The following HDAC5 variants were observed in gnomAD, a reference collection of about 807,000 sequenced individuals.
HDAC5 encodes the protein antigen NY-CO-9.
In HDAC5, 25 loss-of-function variants were observed where a neutral mutation model predicts 133.3. That is an observed-to-expected ratio of 0.19 (90% CI 0.14 to 0.26). HDAC5 has a LOEUF of 0.26. Ranked by LOEUF, HDAC5 falls within the 10% of genes least tolerant of loss-of-function variation. The probability of loss-of-function intolerance (pLI) is 1.00; values close to 1 mark genes in which losing one functional copy is unlikely to be tolerated. For synonymous variants in HDAC5, 589 were observed against 610.8 expected, an observed-to-expected ratio of 0.96 and a Z score of 0.53; for missense variants, 1,041 against 1,460.5, an observed-to-expected ratio of 0.71 and a Z score of 4.68.
intron 16 of HDAC5, among the ~76,000 whole-genome samples, chr17:44,084,139 C>T (rs964214090): frequency 6.6e-6 from 1 of 151,272 alleles, no homozygotes; most frequent in South Asian, 2.1e-4. Flanking sequence ...AAAAAAGGCA[C>T]CTCAACTGCC....
intron 2 of HDAC5, among the ~76,000 whole-genome samples, chr17:44,116,584 G>A (rs1249005595): frequency 1.3e-5 from 2 of 152,190 alleles, no homozygotes; most frequent in Non-Finnish European, 2.9e-5. Context: ...TAAAAAAGAT[G>A]AGGAGTACGA....
rs181081070 is a variant in HDAC5 at position 44,085,564 on chromosome 17, C to T, written c.2051-409G>A. 1.9e-3 allele frequency among the ~76,000 whole-genome samples: 294 copies of T among 152,118 alleles called. 1 individual carries two copies. The East Asian group carries it at 0.021, about 11-fold the overall frequency. ...GCTCTGTCGGCCAGGTCCAGTGGCACGATCTCGGCTCACTGCAACCTCTGC... is the reference window on the plus strand; with the variant it reads ...GCTCTGTCGGCCAGGTCCAGTGGCATGATCTCGGCTCACTGCAACCTCTGC... On this transcript the variant is annotated intron_variant, in intron 14 of 26. Coordinates refer to ENST00000682912, the MANE Select transcript of HDAC5 (RefSeq NM_005474.5).
At chr17:44,101,841 G>A (rs1198414230) in intron 3 of HDAC5, among the ~76,000 whole-genome samples, 1 of 151,966 alleles carries the variant, frequency 6.6e-6, no homozygotes, top group Non-Finnish European at 1.5e-5. Flanking sequence ...AGCCAGCCCT[G>A]GGACAGGTGA....
At position 44,101,808 on chromosome 17, in the gene HDAC5, G is replaced by C. The variant is rs377367185; in HGVS notation, c.95-7974C>G. Among the ~76,000 whole-genome samples the C allele has an allele frequency of 3.4e-4, 52 of 152,124 alleles. No individual in the cohort carries two copies. In the South Asian group the frequency reaches 9.8e-3, roughly 29 times the overall value. On this transcript the variant is annotated intron_variant, in intron 3 of 26. Transcript: ENST00000682912. ...ACGTGTGCAGTCTGGCTCCCATGTG[G>C]GATGTCCTATGTGCTCAGTGTAAGC...
At chr17:44,089,247 C>T (rs2050813141) in intron 11 of HDAC5, among the ~76,000 whole-genome samples, 1 of 152,256 alleles carries the variant, frequency 6.6e-6, no homozygotes, top group South Asian at 2.1e-4. Flanking sequence ...GGCACAGTGG[C>T]TCACACCTGT....
chr17:44,093,275 G>C, intron 5 of HDAC5, 39 bp downstream of exon 5: 1 of 1,581,916 alleles, frequency 6.3e-7, no homozygotes, highest in South Asian at 1.1e-5. Context: ...CAGGCATCAC[G>C]GGCGGGGCCC....
At chr17:44,122,090 AG>A (rs1477847823) in intron 1 of HDAC5, among the ~76,000 whole-genome samples, 1 of 152,076 alleles carries the variant, frequency 6.6e-6, no homozygotes, top group African/African-American at 2.4e-5. Flanking sequence ...GAGAGGAAGG[AG>A]GGAAGACTGG....
At chr17:44,100,908 C>A (rs984330242) in intron 3 of HDAC5, among the ~76,000 whole-genome samples, 1 of 148,946 alleles carries the variant, frequency 6.7e-6, no homozygotes, top group Non-Finnish European at 1.5e-5. Context: ...CCTGCCTCAG[C>A]CTCCTGAATA....
chr17:44,100,772 C>A (rs117973844), intron 3 of HDAC5, among the ~76,000 whole-genome samples: 45 of 150,710 alleles, frequency 3.0e-4, no homozygotes, highest in Non-Finnish European at 5.6e-4. Flanking sequence ...TAAATAAATA[C>A]ATACATACAT....
chr17:44,085,596 G>A (rs1345878615), intron 14 of HDAC5, among the ~76,000 whole-genome samples: 2 of 152,060 alleles, frequency 1.3e-5, no homozygotes, highest in East Asian at 3.9e-4. Context: ...CTGCCTCCTG[G>A]GCTCAAGCAA....
At chr17:44,092,906 A>C in intron 6 of HDAC5, 100 bp from the exon 7 acceptor site, 1 of 656,888 alleles carries the variant, frequency 1.5e-6, no homozygotes, top group African/African-American at 1.8e-5. Context: ...AATCGTTTGT[A>C]TATAGGAAGA....
At chr17:44,080,306 C>T in intron 22 of HDAC5, 81 bp from the exon 23 acceptor site, 2 of 1,543,060 alleles carry the variant, frequency 1.3e-6, no homozygotes, top group South Asian at 2.2e-5. Context: ...AGAGACAACC[C>T]CCTCTACCCA....
intron 2 of HDAC5, 68 bp from the exon 3 acceptor site, chr17:44,110,868 C>T (rs745409947): frequency 1.8e-5 from 25 of 1,362,000 alleles, no homozygotes; most frequent in Non-Finnish European, 3.1e-6. Context: ...GAGCCTTGGG[C>T]ACCAGCAGCA....
intron 3 of HDAC5, among the ~76,000 whole-genome samples, chr17:44,101,071 G>A (rs1383445657): frequency 2.0e-5 from 3 of 150,272 alleles, no homozygotes; most frequent in Admixed American, 6.6e-5. Flanking sequence ...TTACAGGCGT[G>A]AGCCACTGCG....
intron 20 of HDAC5, chr17:44,082,323 C>T (rs541208369): frequency 3.6e-5 from 19 of 530,314 alleles, no homozygotes; most frequent in African/African-American, 3.2e-4. Context: ...AAATCCCCTT[C>T]GTTGCTTGAA....
intron 1 of HDAC5, among the ~76,000 whole-genome samples, chr17:44,123,102 G>C (rs1201554074): frequency 6.6e-6 from 1 of 152,212 alleles, no homozygotes; most frequent in Non-Finnish European, 1.5e-5. Context: ...GGGGTGTCCA[G>C]CGAAGAGGGG....
chr17:44,085,627 G>A (rs1387367865), intron 14 of HDAC5, among the ~76,000 whole-genome samples: 2 of 151,506 alleles, frequency 1.3e-5, no homozygotes, highest in African/African-American at 2.4e-5. Context: ...TCAGCCTCCC[G>A]AGTAGCTGGG....
chr17:44,103,708 TTTC>T (rs1231898766), intron 3 of HDAC5, among the ~76,000 whole-genome samples: 1 of 152,046 alleles, frequency 6.6e-6, no homozygotes, highest in Non-Finnish European at 1.5e-5. Flanking sequence ...AGAATGGTTT[TTTC>T]TTTTTTTTTT....
chr17:44,085,103 T>C lies in HDAC5; in HGVS notation c.2103A>G (p.Thr701=). 1 of 1,605,754 alleles carries C rather than the reference T, an allele frequency of 6.2e-7. No homozygotes were observed. Among genetic ancestry groups the C allele is most frequent in the East Asian group, 2.2e-5 (1 of 44,614 alleles). ...GGCCAGCATGCTCAGGGTGCACGTG[T>C]GTGTTCCCGCACATGCACTGGTGCT... ...MLKHQCMCGN[T]HVHPEHAGRI... The change falls in exon 15 of 27, where the codon ACA becomes ACG. Residue 701 remains threonine, a synonymous_variant. Coordinates refer to ENST00000682912, the MANE Select transcript of HDAC5 (RefSeq NM_005474.5).
Sources: allele counts gnomAD v4.1 joint callset (sites outside exome capture counted in the v4.1 genomes callset), GRCh38; gene constraint gnomAD v4.1.1; transcripts MANE v1.5; gene names NCBI Gene and HGNC (gene_info 2026-07-23, HGNC 2026-07-21).